The following VAMP4 variants were observed in gnomAD, a reference collection of about 807,000 sequenced individuals.
The protein encoded by VAMP4 is vesicle associated membrane protein 4.
In VAMP4, 19 loss-of-function variants were observed where a neutral mutation model predicts 23.5. The observed-to-expected ratio is 0.81, with a 90% confidence interval of 0.56 to 1.19. VAMP4 has a LOEUF of 1.19. VAMP4 is among the 50% of genes most tolerant of loss of function. The probability of loss-of-function intolerance (pLI) is 0.00; values close to 1 mark genes in which losing one functional copy is unlikely to be tolerated. For missense variants in VAMP4, 145 were observed against 168.6 expected (o/e 0.86, Z 0.78); for synonymous variants, 31 against 51.0 (o/e 0.61, Z 1.67).
At chr1:171,716,130 A>G (rs1222330957) in intron 4 of VAMP4, among the ~76,000 whole-genome samples, 1 of 152,192 alleles carries the variant, frequency 6.6e-6, no homozygotes, top group Non-Finnish European at 1.5e-5. Context: ...TTGCAACTAC[A>G]TATATATTGC....
chr1:171,720,885 T>G (rs1655172704), intron 3 of VAMP4, among the ~76,000 whole-genome samples: 1 of 151,962 alleles, frequency 6.6e-6, no homozygotes, highest in South Asian at 2.1e-4. Context: ...AACCAATACC[T>G]CTAATGAACA....
chr1:171,720,621 T>G (rs1347489431), intron 3 of VAMP4, among the ~76,000 whole-genome samples: 1 of 152,040 alleles, frequency 6.6e-6, no homozygotes, highest in Non-Finnish European at 1.5e-5. Flanking sequence ...ATAGGAACTC[T>G]CTATACTATC....
At chr1:171,736,347 C>T (rs1655740366) in intron 2 of VAMP4, among the ~76,000 whole-genome samples, 1 of 152,142 alleles carries the variant, frequency 6.6e-6, no homozygotes, top group Non-Finnish European at 1.5e-5. Context: ...CCTGATCATC[C>T]TCTGCCTTCT....
At chr1:171,726,302 G>A (rs540419563) in intron 3 of VAMP4, among the ~76,000 whole-genome samples, 1 of 152,032 alleles carries the variant, frequency 6.6e-6, no homozygotes, top group Non-Finnish European at 1.5e-5. Context: ...CGCCCGCCTC[G>A]GCCTCCCAAA....
chr1:171,732,700 A>G (rs1478812679), intron 2 of VAMP4, among the ~76,000 whole-genome samples: 1 of 152,204 alleles, frequency 6.6e-6, no homozygotes, highest in Non-Finnish European at 1.5e-5. Context: ...GGGACCTTAG[A>G]CATATTTTGT....
At chr1:171,716,335 G>A (rs935981329) in intron 4 of VAMP4, among the ~76,000 whole-genome samples, 3 of 152,102 alleles carry the variant, frequency 2.0e-5, no homozygotes, top group African/African-American at 7.2e-5. Flanking sequence ...GTTCCTGTCT[G>A]CTTATATAAA....
chr1:171,724,454 C>T (rs1299632297), intron 3 of VAMP4, among the ~76,000 whole-genome samples: 1 of 151,948 alleles, frequency 6.6e-6, no homozygotes, highest in Non-Finnish European at 1.5e-5. Flanking sequence ...CACATGTACC[C>T]TAGAACTTAA....
rs1558103555 is a variant in VAMP4 at position 171,703,413 on chromosome 1, GTGTGTTTGTGTGTATATA to G, written c.*1075_*1092del. The G allele has an allele frequency of 1.0e-5, 1 of 99,528 alleles. No individual in the cohort carries two copies. The highest frequency in any genetic ancestry group is 3.9e-5 in the African/African-American group (1 of 25,354). 6.2% of individuals were successfully genotyped at this position (99,528 alleles called of 1,614,324 possible). On this transcript the variant is annotated 3_prime_UTR_variant, in exon 8 of 8. Transcript: ENST00000236192. ...TGTGCGTGTGTGTGTGTGTGTGTGT[GTGTGTTTGTGTGTATATA>G]TATATATATATATATATATATATAT...
At chr1:171,740,119 AAAGTT>A (rs1358158598) in intron 1 of VAMP4, among the ~76,000 whole-genome samples, 1 of 152,366 alleles carries the variant, frequency 6.6e-6, no homozygotes, top group African/African-American at 2.4e-5. Context: ...GGAGAAAACT[AAAGTT>A]TAGTAACGAT....
intron 6 of VAMP4, 49 bp downstream of exon 6, chr1:171,709,616 A>G: frequency 6.4e-7 from 1 of 1,567,662 alleles, no homozygotes; most frequent in Non-Finnish European, 8.8e-7. Context: ...GTGTTTGAAT[A>G]CCACTTCAGA....
intron 3 of VAMP4, among the ~76,000 whole-genome samples, chr1:171,726,187 G>A (rs1309219717): frequency 1.3e-5 from 2 of 151,910 alleles, no homozygotes; most frequent in Non-Finnish European, 2.9e-5. Flanking sequence ...AAGTAGCTGG[G>A]TCTATAGGCA....
chr1:171,710,367 A>G (rs1360777295), intron 5 of VAMP4, among the ~76,000 whole-genome samples: 1 of 152,096 alleles, frequency 6.6e-6, no homozygotes, highest in Admixed American at 6.6e-5. Flanking sequence ...AAATAAAAAT[A>G]GCAGATAAGT....
In VAMP4 at chr1:171,703,399, G is replaced by GTGTGTGTA. The variant is rs1654516775; in HGVS notation, c.*1106_*1107insTACACACA. 1.0e-5 allele frequency: 1 copy of GTGTGTGTA among 99,346 alleles called. No individual in the cohort carries two copies. Among genetic ancestry groups the GTGTGTGTA allele is most frequent in the African/African-American group, 4.0e-5 (1 of 25,012 alleles). The allele number at this position is 99,346 out of a possible 1,614,324, so 6.2% of individuals were successfully genotyped here. On this transcript the variant is annotated 3_prime_UTR_variant, in exon 8 of 8. Transcript: ENST00000236192. ...CTGATTATCATATGTGTGCGTGTGT[G>GTGTGTGTA]TGTGTGTGTGTGTGTGTGTTTGTGT...
At chr1:171,734,249 C>A (rs921696656) in intron 2 of VAMP4, among the ~76,000 whole-genome samples, 5 of 118,376 alleles carry the variant, frequency 4.2e-5, no homozygotes, top group Non-Finnish European at 8.1e-5. Flanking sequence ...GCCTGGGCAA[C>A]AGAGGGAGAC....
At chr1:171,708,643 C>T (rs1448879720) in intron 6 of VAMP4, among the ~76,000 whole-genome samples, 2 of 150,670 alleles carry the variant, frequency 1.3e-5, no homozygotes, top group African/African-American at 4.9e-5. Context: ...GGTGGATCAC[C>T]TGAGGTCAGG....
intron 3 of VAMP4, among the ~76,000 whole-genome samples, chr1:171,723,443 C>A (rs1329217362): frequency 6.6e-6 from 1 of 152,120 alleles, no homozygotes; most frequent in African/African-American, 2.4e-5. Flanking sequence ...TTTTAGAAAC[C>A]TCCCCTAGGA....
At chr1:171,710,339 G>A (rs551361566) in intron 5 of VAMP4, among the ~76,000 whole-genome samples, 101 of 151,946 alleles carry the variant, frequency 6.6e-4, no homozygotes, top group African/African-American at 2.3e-3. Context: ...AGGTGACTAA[G>A]TTACCAAATA....
At position 171,701,547 on chromosome 1, in the gene VAMP4, A is replaced by C. The variant is rs758679561; in HGVS notation, c.*2959T>G. ...TACAGGATAGTCACATACTATACAG[A>C]ATTGAAAGATGCCAATTTTTGCTAT... On this transcript the variant is annotated 3_prime_UTR_variant, in exon 8 of 8. Transcript: ENST00000236192. The C allele has an allele frequency of 6.6e-6, 1 of 152,202 alleles. No homozygotes were observed. Among genetic ancestry groups the C allele is most frequent in the African/African-American group, 2.4e-5 (1 of 41,466 alleles). The allele number at this position is 152,202 out of a possible 1,614,324, so 9.4% of individuals were successfully genotyped here. A position where few individuals can be genotyped will look rare whatever the true frequency, so the allele number is the denominator to read the frequency against.
intron 5 of VAMP4, among the ~76,000 whole-genome samples, chr1:171,710,064 A>G (rs1654798986): frequency 6.6e-6 from 1 of 152,138 alleles, no homozygotes. Flanking sequence ...CTCTTTAAAA[A>G]TTCAAATACT....
Sources: allele counts gnomAD v4.1 joint callset (sites outside exome capture counted in the v4.1 genomes callset), GRCh38; gene constraint gnomAD v4.1.1; transcripts MANE v1.5; gene names NCBI Gene and HGNC (gene_info 2026-07-23, HGNC 2026-07-21).